Variants in PHF14 observed in about 807,000 individuals in gnomAD.
PHF14 encodes PHD finger protein 14.
Under a neutral mutation model 117.9 loss-of-function variants are expected in PHF14, and 55 were observed. The observed-to-expected ratio is 0.47, with a 90% CI of 0.38 to 0.58. The LOEUF (loss-of-function observed/expected upper bound fraction) is 0.58. Among genes scored for constraint, PHF14 ranks in the 20% least tolerant of loss-of-function variants. The probability of loss-of-function intolerance (pLI) is 0.00; values close to 1 mark genes in which losing one functional copy is unlikely to be tolerated. For synonymous variants in PHF14, 409 were observed against 368.6 expected, an observed-to-expected ratio of 1.11 and a Z score of -1.26; for missense variants, 978 against 1,122.2, an observed-to-expected ratio of 0.87 and a Z score of 1.84.
intron 17 of PHF14, among the ~76,000 whole-genome samples, chr7:11,167,230 A>AACT (rs1250447681): frequency 6.6e-6 from 1 of 152,188 alleles, no homozygotes. Context: ...GAAACTTAGT[A>AACT]GACTGTCCGT....
rs530364050 is a variant in PHF14, at chr7:11,002,714, G to C, written c.1046-11033G>C. The stretch of plus-strand genomic sequence containing the variant: ...TCGCCTCTGCCTCCCAAAGTGCTGG[G>C]ATTACAGACGTGAGCCACCGCGCCC... On this transcript the variant is annotated intron_variant, in intron 4 of 17. Coordinates refer to ENST00000634607, the MANE Select transcript of PHF14 (RefSeq NM_001007157.2). Among the ~76,000 whole-genome samples the C allele has an allele frequency of 2.0e-3, 303 of 151,622 alleles. 1 individual carries two copies. The highest frequency in any genetic ancestry group is 7.2e-3 in the African/African-American group (297 of 41,352).
chr7:11,136,295 A>G (rs984444948), intron 17 of PHF14, among the ~76,000 whole-genome samples: 1 of 152,070 alleles, frequency 6.6e-6, no homozygotes, highest in African/African-American at 2.4e-5. Context: ...TTTTTTCAAG[A>G]TGCAAACTGA....
intron 16 of PHF14, chr7:11,103,301 T>C (rs1344959532): frequency 4.3e-5 from 37 of 860,600 alleles, no homozygotes; most frequent in Non-Finnish European, 5.2e-5. Flanking sequence ...TCAGTCCTTA[T>C]TGTTTTAATA....
intron 16 of PHF14, among the ~76,000 whole-genome samples, chr7:11,071,738 C>A (rs1449384293): frequency 1.3e-5 from 2 of 152,136 alleles, no homozygotes; most frequent in African/African-American, 4.8e-5. Flanking sequence ...TTTCTCATAG[C>A]CCTGAGACAT....
At chr7:11,156,875 A>G (rs1256517124) in intron 17 of PHF14, among the ~76,000 whole-genome samples, 2 of 152,202 alleles carry the variant, frequency 1.3e-5, no homozygotes, top group African/African-American at 2.4e-5. Context: ...TGTTGAGTTT[A>G]TGTTAAAAGA....
Position 11,029,307 on chromosome 7 carries a change from T to G in PHF14, c.1455+489T>G, listed in dbSNP as rs180947667. Among the ~76,000 whole-genome samples the G allele has an allele frequency of 2.6e-5, 4 of 152,304 alleles. No homozygotes were observed. In the East Asian group the frequency reaches 5.8e-4, roughly 22 times the overall value. On this transcript the variant is annotated intron_variant, in intron 7 of 17. Transcript: ENST00000634607. The stretch of plus-strand genomic sequence containing the variant: ...TAAAAAATCAGTTGTTTTCAGTGTT[T>G]GGGGACTGGTTAAGATTCGTTCAAG...
intron 4 of PHF14, among the ~76,000 whole-genome samples, chr7:10,993,711 T>C (rs1782537736): frequency 6.6e-6 from 1 of 152,012 alleles, no homozygotes; most frequent in African/African-American, 2.4e-5. Flanking sequence ...TTTGTATTTG[T>C]AAAAATTGAT....
intron 6 of PHF14, among the ~76,000 whole-genome samples, chr7:11,028,223 A>C (rs1321198675): frequency 6.6e-6 from 1 of 152,176 alleles, no homozygotes; most frequent in African/African-American, 2.4e-5. Context: ...AATGTTAACT[A>C]TCTCATGTAA....
intron 16 of PHF14, chr7:11,103,537 A>T: frequency 4.1e-6 from 4 of 985,168 alleles, no homozygotes; most frequent in Non-Finnish European, 4.8e-6. Flanking sequence ...ATATTTCATC[A>T]CTCAATCTTG....
chr7:11,080,363 T>C (rs893874823), intron 16 of PHF14, among the ~76,000 whole-genome samples: 2 of 152,186 alleles, frequency 1.3e-5, no homozygotes, highest in Non-Finnish European at 2.9e-5. Context: ...TAAACACTAC[T>C]TGGTGTTTTT....
At chr7:11,121,445 C>T (rs970090469) in intron 17 of PHF14, among the ~76,000 whole-genome samples, 3 of 152,160 alleles carry the variant, frequency 2.0e-5, no homozygotes, top group Non-Finnish European at 2.9e-5. Context: ...ACTCTCAGTA[C>T]AGTAGCCTCC....
intron 16 of PHF14, among the ~76,000 whole-genome samples, chr7:11,068,592 T>C (rs1232030748): frequency 6.6e-6 from 1 of 152,096 alleles, no homozygotes; most frequent in Non-Finnish European, 1.5e-5. Flanking sequence ...GATGAAAAAG[T>C]TCTGGAGATG....
At chr7:11,073,192 C>T (rs549940748) in intron 16 of PHF14, among the ~76,000 whole-genome samples, 1 of 152,264 alleles carries the variant, frequency 6.6e-6, no homozygotes, top group East Asian at 1.9e-4. Context: ...ATTCAAAAGT[C>T]CAAAATCCAG....
chr7:11,052,128 C>G (rs1049755960), intron 14 of PHF14, among the ~76,000 whole-genome samples: 1 of 152,164 alleles, frequency 6.6e-6, no homozygotes, highest in African/African-American at 2.4e-5. Context: ...CTTTACTTTT[C>G]TCATTCACTT....
chr7:11,008,515 GA>G (rs1291046455), intron 4 of PHF14, among the ~76,000 whole-genome samples: 22 of 152,106 alleles, frequency 1.4e-4, no homozygotes, highest in Non-Finnish European at 2.6e-4. Context: ...CTGCACATAT[GA>G]GGGATCTAGG....
rs1410641207 is a variant in PHF14 at position 11,022,781 on chromosome 7, T to G, written c.1206-87T>G. On this transcript the variant is annotated intron_variant, in intron 5 of 17. Coordinates refer to ENST00000634607, the MANE Select transcript of PHF14 (RefSeq NM_001007157.2). ...TTACAGAATTCTCTTGGTAGTATTT[T>G]GAGATGGCAAGCGTTTTATATGTTT... The G allele has an allele frequency of 3.3e-5, 20 of 611,144 alleles. No individual in the cohort carries two copies. The East Asian group carries it at 4.3e-4, about 13-fold the overall frequency. The allele number at this position is 611,144 out of a possible 1,614,324, so 37.9% of individuals were successfully genotyped here. A position where few individuals can be genotyped will look rare whatever the true frequency, so the allele number is the denominator to read the frequency against.
chr7:11,098,760 A>G (rs918122258), intron 16 of PHF14, among the ~76,000 whole-genome samples: 1 of 152,192 alleles, frequency 6.6e-6, no homozygotes, highest in African/African-American at 2.4e-5. Flanking sequence ...TTACACACAG[A>G]ACAGTGTAAG....
At chr7:10,995,310 A>G (rs1031929235) in intron 4 of PHF14, among the ~76,000 whole-genome samples, 3 of 150,086 alleles carry the variant, frequency 2.0e-5, no homozygotes, top group African/African-American at 7.4e-5. Flanking sequence ...CCACCAGATT[A>G]GCTAGATACA....
intron 4 of PHF14, among the ~76,000 whole-genome samples, chr7:11,010,106 C>G (rs914419136): frequency 3.3e-5 from 5 of 151,948 alleles, no homozygotes; most frequent in East Asian, 1.9e-4. Context: ...CACATTTTAT[C>G]TAGTTTGAAT....
Sources: gnomAD v4.1 joint callset for allele counts (sites outside exome capture counted in the v4.1 genomes callset) on GRCh38, gnomAD v4.1.1 for gene constraint, MANE v1.5 for transcripts, NCBI Gene and HGNC (gene_info 2026-07-23, HGNC 2026-07-21) for gene names.